ACAP2: variants seen among roughly 807,000 people sequenced by gnomAD.
ACAP2 encodes the protein ArfGAP with coiled-coil, ankyrin repeat and PH domains 2.
Under a neutral mutation model 115.8 loss-of-function variants are expected in ACAP2, and 39 were observed. The ratio of observed to expected loss-of-function variants is 0.34; its 90% CI spans 0.26 to 0.44. The LOEUF is 0.44. Among genes scored for constraint, ACAP2 ranks in the 20% least tolerant of loss-of-function variants. The pLI is 1.00. For missense variants in ACAP2, 662 were observed against 927.6 expected (o/e 0.71, Z 3.72); for synonymous variants, 289 against 315.8 (o/e 0.92, Z 0.90).
intron 10 of ACAP2, among the ~76,000 whole-genome samples, chr3:195,316,829 A>G (rs1267748252): frequency 6.6e-6 from 1 of 151,548 alleles, no homozygotes; most frequent in East Asian, 1.9e-4. Context: ...CCATGTAAAC[A>G]TCTGGCAATA....
chr3:195,290,387 AAAG>A (rs1160112736), intron 20 of ACAP2, among the ~76,000 whole-genome samples: 1 of 152,198 alleles, frequency 6.6e-6, no homozygotes, highest in Non-Finnish European at 1.5e-5. Flanking sequence ...TCTTAAAAAA[AAAG>A]AAGAAAATAC....
At chr3:195,377,943 G>A (rs141817502) in intron 4 of ACAP2, among the ~76,000 whole-genome samples, 5 of 152,000 alleles carry the variant, frequency 3.3e-5, no homozygotes, top group East Asian at 1.9e-4. Context: ...CCAGGCAGAC[G>A]GACAAAAAGT....
intron 21 of ACAP2, among the ~76,000 whole-genome samples, chr3:195,287,907 C>T (rs1032031139): frequency 6.6e-6 from 1 of 151,958 alleles, no homozygotes; most frequent in Non-Finnish European, 1.5e-5. Context: ...AGTTTAAGAC[C>T]AGCCTGACCA....
At chr3:195,403,911 C>T (rs1712524666) in intron 1 of ACAP2, among the ~76,000 whole-genome samples, 1 of 152,078 alleles carries the variant, frequency 6.6e-6, no homozygotes, top group Non-Finnish European at 1.5e-5. Context: ...ATAGTATCGG[C>T]AGCCATTAGA....
intron 4 of ACAP2, among the ~76,000 whole-genome samples, chr3:195,361,859 T>A (rs1013500103): frequency 6.6e-6 from 1 of 152,062 alleles, no homozygotes; most frequent in Admixed American, 6.5e-5. Context: ...ACTGCAGAAA[T>A]TCTAAGGATC....
intron 1 of ACAP2, among the ~76,000 whole-genome samples, chr3:195,405,555 G>A (rs1294502148): frequency 3.3e-5 from 5 of 151,922 alleles, no homozygotes; most frequent in South Asian, 4.2e-4. Flanking sequence ...GTGTGGTGGC[G>A]CACACCTGTA....
intron 7 of ACAP2, 116 bp from the exon 8 acceptor site, chr3:195,333,239 C>T (rs1730293435): frequency 6.6e-6 from 3 of 451,674 alleles, no homozygotes; most frequent in Non-Finnish European, 1.1e-5. Flanking sequence ...TTTGCTCTGT[C>T]GCCCAGACCT....
chr3:195,293,305 G>A (rs1331632202), intron 18 of ACAP2, among the ~76,000 whole-genome samples: 2 of 152,142 alleles, frequency 1.3e-5, no homozygotes, highest in East Asian at 1.9e-4. Flanking sequence ...CAAATAATTT[G>A]AAGAGTGCTG....
intron 9 of ACAP2, among the ~76,000 whole-genome samples, chr3:195,325,983 TTTTC>T (rs1320695980): frequency 3.3e-5 from 5 of 152,142 alleles, no homozygotes; most frequent in Non-Finnish European, 5.9e-5. Flanking sequence ...CTTTAATTAT[TTTTC>T]TTTGAGCATT....
chr3:195,426,643 T>C (rs1714704466), intron 1 of ACAP2, among the ~76,000 whole-genome samples: 1 of 152,246 alleles, frequency 6.6e-6, no homozygotes, highest in Middle Eastern at 3.4e-3. Flanking sequence ...ACTCTTCCCC[T>C]TTCTCACTAC....
At chr3:195,311,472 A>G (rs1365564778) in intron 10 of ACAP2, among the ~76,000 whole-genome samples, 1 of 152,122 alleles carries the variant, frequency 6.6e-6, no homozygotes, top group Non-Finnish European at 1.5e-5. Context: ...AATATAGAAA[A>G]AATACTTAAC....
intron 4 of ACAP2, among the ~76,000 whole-genome samples, chr3:195,367,865 C>T (rs6437376): frequency 0.3 from 45,794 of 151,978 alleles, 7,972 homozygotes; most frequent in East Asian, 0.82. Flanking sequence ...ATGCTGAATC[C>T]TTCAGCCACA....
intron 4 of ACAP2, among the ~76,000 whole-genome samples, chr3:195,366,175 C>A (rs1269268958): frequency 2.6e-5 from 4 of 152,084 alleles, no homozygotes; most frequent in African/African-American, 7.2e-5. Context: ...TTTCTCCAAA[C>A]CTTTTCTTCC....
chr3:195,376,547 A>C (rs1281746394), intron 4 of ACAP2, among the ~76,000 whole-genome samples: 2 of 152,136 alleles, frequency 1.3e-5, no homozygotes, highest in Non-Finnish European at 2.9e-5. Flanking sequence ...CATTTCACAA[A>C]AACAACAACA....
intron 7 of ACAP2, chr3:195,336,654 T>C (rs1381633791): frequency 3.4e-6 from 1 of 296,656 alleles, no homozygotes; most frequent in Admixed American, 5.3e-5. Context: ...CTAGTGCATG[T>C]AAAGCAACAT....
Position 195,396,740 on chromosome 3 carries a change from T to C in ACAP2, c.54-4593A>G, listed in dbSNP as rs149138170. The stretch of plus-strand genomic sequence containing the variant: ...AGGCAGAGGTTGCAGTGAGCCAAGA[T>C]TGCATCACTGCACTCCAGCCTGGGA... On this transcript the variant is annotated intron_variant, in intron 1 of 22. Coordinates refer to ENST00000326793, the MANE Select transcript of ACAP2 (RefSeq NM_012287.6). 8.3e-3 allele frequency among the ~76,000 whole-genome samples: 1,179 copies of C among 142,338 alleles called. 16 individuals carry two copies. The highest frequency in any genetic ancestry group is 0.03 in the African/African-American group (1,144 of 37,988). The allele number at this position is 142,338 out of a possible 152,430, so 93.4% of individuals were successfully genotyped here.
At chr3:195,336,874 T>A in intron 7 of ACAP2, 58 bp downstream of exon 7, 1 of 1,358,254 alleles carries the variant, frequency 7.4e-7, no homozygotes, top group Non-Finnish European at 1.0e-6. Flanking sequence ...AACACCTAAA[T>A]ACGTACATTT....
chr3:195,356,148 C>G (rs6437374), intron 4 of ACAP2: 263,262 of 456,162 alleles, frequency 0.58, 79,115 homozygotes, highest in Middle Eastern at 0.71. Context: ...CCCATGCGCT[C>G]GTAGCAACCA....
chr3:195,307,281 C>A lies in ACAP2; in HGVS notation c.952G>T (p.Val318Leu). The change falls in exon 12 of 23, where the codon GTG becomes TTG. Residue 318 changes from valine to leucine, a missense_variant. Physicochemically the swap from Val to Leu is conservative, Grantham distance 32 (BLOSUM62 1). Transcript: ENST00000326793. ...VVVEDLRLCT[V>L]KHCEDIERRF... is the part of the protein sequence containing the mutation. Reference sequence around the variant, plus strand: ...CGCTCTATGTCTTCACAATGTTTCACTGTGCAAAGCCTGAGGTCTTCAACT... The same window carrying A: ...CGCTCTATGTCTTCACAATGTTTCAATGTGCAAAGCCTGAGGTCTTCAACT... 6.2e-7 allele frequency: 1 copy of A among 1,613,414 alleles called. No individual in the cohort carries two copies. Among genetic ancestry groups the A allele is most frequent in the South Asian group, 1.1e-5 (1 of 91,040 alleles).
Sources: gnomAD v4.1 joint callset for allele counts (sites outside exome capture counted in the v4.1 genomes callset) on GRCh38, gnomAD v4.1.1 for gene constraint, MANE v1.5 for transcripts, NCBI Gene and HGNC (gene_info 2026-07-23, HGNC 2026-07-21) for gene names.